STAB2: variants seen among roughly 807,000 people sequenced by gnomAD.
The protein encoded by STAB2 is stabilin-2.
A neutral mutation model predicts 338.1 loss-of-function variants in STAB2; 288 were observed. That is an observed-to-expected ratio of 0.85 (90% CI 0.77 to 0.94). STAB2 has a LOEUF of 0.94. Ranked by LOEUF, STAB2 falls within the 40% of genes least tolerant of loss-of-function variation. STAB2 has a pLI of 0.00. For missense variants in STAB2, 3,141 were observed against 3,210.1 expected, an observed-to-expected ratio of 0.98 and a Z score of 0.52; for synonymous variants, 1,202 against 1,193.3, an observed-to-expected ratio of 1.01 and a Z score of -0.15.
intron 34 of STAB2, among the ~76,000 whole-genome samples, chr12:103,701,707 G>A (rs957017685): frequency 6.6e-6 from 1 of 152,152 alleles, no homozygotes; most frequent in Non-Finnish European, 1.5e-5. Flanking sequence ...TGAGACTAAG[G>A]TTTCCTCTTA....
At chr12:103,655,623 AC>A (rs763036069) in intron 15 of STAB2, 42 bp downstream of exon 15, 15 of 1,610,506 alleles carry the variant, frequency 9.3e-6, no homozygotes, top group African/African-American at 1.3e-5. Flanking sequence ...TGTCAGCAGC[AC>A]TGCCTCAGTC....
Position 103,685,066 on chromosome 12 carries a change from C to T in STAB2, c.2979C>T (p.Cys993=). 1 of 1,613,916 alleles carries T rather than the reference C, an allele frequency of 6.2e-7. No individual in the cohort carries two copies. Among genetic ancestry groups the T allele is most frequent in the Non-Finnish European group, 8.5e-7 (1 of 1,179,858 alleles). Reference sequence around the variant, plus strand: ...GCTATGAAGGAGATGGCTTTCTGTGCTATGGAAACGCAGCAGTGGTAAGTC... The same window carrying T: ...GCTATGAAGGAGATGGCTTTCTGTGTTATGGAAACGCAGCAGTGGTAAGTC... ...QEGYEGDGFL[C]YGNAAVELSF... Residue 993 remains cysteine (C), a synonymous_variant, in exon 27 of 69, where the codon TGC becomes TGT. Coordinates refer to ENST00000388887, the MANE Select transcript of STAB2 (RefSeq NM_017564.10).
At chr12:103,765,188 A>T (rs1884847488) in intron 68 of STAB2, among the ~76,000 whole-genome samples, 1 of 151,978 alleles carries the variant, frequency 6.6e-6, no homozygotes, top group South Asian at 2.1e-4. Context: ...TTTAAAAAGC[A>T]GAAACAAATG....
chr12:103,591,056 G>A lies in STAB2; in HGVS notation c.215+26G>A, dbSNP rs1956790692. ...GTACTCATGAGAAAATAAACGTGAT[G>A]GAACTATGAATCCAACTTGAAGCTC... On this transcript the variant is annotated intron_variant, in intron 2 of 68. Coordinates refer to ENST00000388887, the MANE Select transcript of STAB2 (RefSeq NM_017564.10). The A allele has an allele frequency of 6.2e-6, 10 of 1,610,656 alleles. No individual in the cohort carries two copies. The East Asian group carries it at 2.2e-4, about 36-fold the overall frequency.
At chr12:103,684,589 T>C (rs1299603498) in intron 26 of STAB2, among the ~76,000 whole-genome samples, 1 of 152,188 alleles carries the variant, frequency 6.6e-6, no homozygotes, top group Non-Finnish European at 1.5e-5. Flanking sequence ...CAACATATGA[T>C]TGCCAGATAA....
At chr12:103,649,532 A>G (rs927981860) in intron 10 of STAB2, among the ~76,000 whole-genome samples, 2 of 152,230 alleles carry the variant, frequency 1.3e-5, no homozygotes, top group Admixed American at 6.5e-5. Context: ...GACTTGGCCA[A>G]TCAACAGAAA....
At chr12:103,711,578 A>T (rs1879865033) in intron 40 of STAB2, 62 bp downstream of exon 40, 5 of 1,574,976 alleles carry the variant, frequency 3.2e-6, no homozygotes, top group East Asian at 4.5e-5. Flanking sequence ...AATATTGTCT[A>T]CCCTAGTCTC....
At chr12:103,658,532 A>G (rs568162550) in intron 15 of STAB2, among the ~76,000 whole-genome samples, 4 of 152,152 alleles carry the variant, frequency 2.6e-5, no homozygotes, top group Admixed American at 6.5e-5. Flanking sequence ...AAAGTGGATT[A>G]TCTCATTGCT....
At chr12:103,716,159 A>G (rs551940793) in intron 43 of STAB2, among the ~76,000 whole-genome samples, 416 of 152,358 alleles carry the variant, frequency 2.7e-3, no homozygotes, top group Admixed American at 5.6e-3. Context: ...AAGCATCTAG[A>G]CAGTCCCCTA....
intron 52 of STAB2, among the ~76,000 whole-genome samples, chr12:103,736,636 A>G (rs1317268839): frequency 6.6e-6 from 1 of 152,042 alleles, no homozygotes; most frequent in Non-Finnish European, 1.5e-5. Flanking sequence ...TGTATTATTT[A>G]GTCTGATCTG....
intron 57 of STAB2, 50 bp from the exon 58 acceptor site, chr12:103,746,542 GGTTTT>G: frequency 6.4e-7 from 1 of 1,554,168 alleles, no homozygotes; most frequent in Non-Finnish European, 8.9e-7. Context: ...TCCTTAGATG[GGTTTT>G]AACTCTTCAC....
intron 3 of STAB2, among the ~76,000 whole-genome samples, chr12:103,604,275 G>A (rs1956994560): frequency 6.6e-6 from 1 of 151,974 alleles, no homozygotes; most frequent in South Asian, 2.1e-4. Flanking sequence ...CTATAATGTT[G>A]TTTAAAAATT....
intron 54 of STAB2, 104 bp downstream of exon 54, chr12:103,739,572 T>TGTGTGTGTGTGTGTGTGTGC (rs373686630): frequency 3.9e-5 from 29 of 735,698 alleles, no homozygotes; most frequent in Admixed American, 1.1e-4. Flanking sequence ...TGTGTGTGTG[T>TGTGTGTGTGTGTGTGTGTGC]GCCCGTGCAC....
intron 4 of STAB2, 96 bp from the exon 5 acceptor site, chr12:103,621,946 T>C (rs1957308283): frequency 8.5e-7 from 1 of 1,178,522 alleles, no homozygotes; most frequent in Non-Finnish European, 1.2e-6. Context: ...AGGGAAAATA[T>C]ATTTGAAAAA....
At chr12:103,732,323 CAT>C (rs941384886) in intron 50 of STAB2, among the ~76,000 whole-genome samples, 5 of 151,510 alleles carry the variant, frequency 3.3e-5, no homozygotes, top group Non-Finnish European at 7.4e-5. Flanking sequence ...ACAAAAAAGA[CAT>C]ATCTTACTGA....
chr12:103,587,655 C>A, intron 1 of STAB2, 98 bp downstream of exon 1: 3 of 947,364 alleles, frequency 3.2e-6, no homozygotes, highest in Admixed American at 2.4e-5. Flanking sequence ...AGGGTGAAAT[C>A]TGGACTTTAT....
At chr12:103,621,221 A>G (rs1331431960) in intron 4 of STAB2, among the ~76,000 whole-genome samples, 1 of 152,188 alleles carries the variant, frequency 6.6e-6, no homozygotes, top group African/African-American at 2.4e-5. Flanking sequence ...AATTGCTGTC[A>G]TTGTTAATAT....
intron 12 of STAB2, among the ~76,000 whole-genome samples, chr12:103,653,061 G>GA (rs1260527430): frequency 6.6e-6 from 1 of 152,136 alleles, no homozygotes; most frequent in Non-Finnish European, 1.5e-5. Flanking sequence ...CTTATAGAAG[G>GA]AAATAGATTG....
chr12:103,652,777 C>G (rs542696323), intron 12 of STAB2, 72 bp downstream of exon 12: 2 of 1,422,750 alleles, frequency 1.4e-6, no homozygotes, highest in South Asian at 1.8e-5. Flanking sequence ...CCTTCTCTCT[C>G]TTTTTGTTTG....
Sources: gnomAD v4.1 joint callset for allele counts (sites outside exome capture counted in the v4.1 genomes callset) on GRCh38, gnomAD v4.1.1 for gene constraint, MANE v1.5 for transcripts, NCBI Gene and HGNC (gene_info 2026-07-23, HGNC 2026-07-21) for gene names.